Variants in NAV2 observed in about 807,000 individuals in gnomAD.
The protein encoded by NAV2 is neuron navigator 2.
A neutral mutation model predicts 223.2 loss-of-function variants in NAV2; 54 were observed. That is an observed-to-expected ratio of 0.24 (90% CI 0.19 to 0.30). The LOEUF (loss-of-function observed/expected upper bound fraction) is 0.30. Among genes scored for constraint, NAV2 ranks in the 10% least tolerant of loss-of-function variants. The probability of loss-of-function intolerance (pLI) is 1.00; values close to 1 mark genes in which losing one functional copy is unlikely to be tolerated. For synonymous variants in NAV2, 1,279 were observed against 1,239.3 expected (o/e 1.03, Z -0.67); for missense variants, 2,806 against 3,147.5 (o/e 0.89, Z 2.60).
intron 1 of NAV2, among the ~76,000 whole-genome samples, chr11:19,510,371 A>G (rs11602022): frequency 2.0e-4 from 30 of 152,240 alleles, no homozygotes; most frequent in Non-Finnish European, 3.7e-4. Context: ...CATGAGAGCC[A>G]GTTCTCCATA....
chr11:20,046,447 A>G (rs2153589874), intron 14 of NAV2, among the ~76,000 whole-genome samples: 1 of 152,026 alleles, frequency 6.6e-6, no homozygotes, highest in Admixed American at 6.5e-5. Context: ...TTCTTGTGTT[A>G]ATAATTCTTC....
chr11:19,474,565 G>A (rs2042060857), intron 1 of NAV2, among the ~76,000 whole-genome samples: 1 of 152,386 alleles, frequency 6.6e-6, no homozygotes, highest in African/African-American at 2.4e-5. Flanking sequence ...AGGAGAGCAT[G>A]TGAGGCTTTT....
At chr11:20,097,392 C>T (rs1291801536) in intron 30 of NAV2, among the ~76,000 whole-genome samples, 185 bp from the exon 31 acceptor site, 1 of 152,034 alleles carries the variant, frequency 6.6e-6, no homozygotes, top group Non-Finnish European at 1.5e-5. Flanking sequence ...TTTTAAGAGG[C>T]CTGTGGTACT....
chr11:19,707,938 G>A (rs995627189), upstream of NAV2, among the ~76,000 whole-genome samples: 1 of 152,166 alleles, frequency 6.6e-6, no homozygotes, highest in Non-Finnish European at 1.5e-5. Context: ...ATTATGCAGT[G>A]CGTGACTATA....
At chr11:19,891,600 G>T (rs1046684615) in intron 5 of NAV2, among the ~76,000 whole-genome samples, 16 of 152,176 alleles carry the variant, frequency 1.1e-4, no homozygotes, top group African/African-American at 3.9e-4. Flanking sequence ...GTGCAGATAA[G>T]TTGTACTTCA....
chr11:19,348,147 G>A (rs368349749), upstream of NAV2, among the ~76,000 whole-genome samples: 10 of 152,320 alleles, frequency 6.6e-5, no homozygotes, highest in East Asian at 9.7e-4. Context: ...CACTTGGGGC[G>A]TGTGCGCCGG....
chr11:20,023,523 C>A (rs1222079162), intron 11 of NAV2, among the ~76,000 whole-genome samples: 1 of 152,112 alleles, frequency 6.6e-6, no homozygotes, highest in Non-Finnish European at 1.5e-5. Flanking sequence ...TTATTCCGGA[C>A]TTTTCAGCTG....
intron 1 of NAV2, among the ~76,000 whole-genome samples, chr11:19,495,251 CA>C (rs1346577025): frequency 6.6e-6 from 1 of 152,176 alleles, no homozygotes; most frequent in African/African-American, 2.4e-5. Context: ...TTCAATTCAG[CA>C]AGCAAGCACC....
chr11:19,661,907 G>C lies in NAV2; in HGVS notation c.76-170577G>C, dbSNP rs566208699. On this transcript the variant is annotated intron_variant, in intron 1 of 37. Coordinates refer to the NAV2 transcript ENST00000360655. ...GTGGTAGAAGTCAAATTGGAACCCAGGGCTCTTGAATTTGAGGTGAGGAAT... is the reference window on the plus strand; with the variant it reads ...GTGGTAGAAGTCAAATTGGAACCCACGGCTCTTGAATTTGAGGTGAGGAAT... 7.2e-5 allele frequency among the ~76,000 whole-genome samples: 11 copies of C among 152,298 alleles called. No homozygotes were observed. In the South Asian group the frequency reaches 8.3e-4, roughly 11 times the overall value.
chr11:19,759,067 T>C (rs1267142017), intron 1 of NAV2, among the ~76,000 whole-genome samples: 1 of 150,582 alleles, frequency 6.6e-6, no homozygotes, highest in African/African-American at 2.4e-5. Flanking sequence ...AATGAAATCA[T>C]AGAACTTTGG....
intron 1 of NAV2, among the ~76,000 whole-genome samples, chr11:19,501,842 G>T (rs988724829): frequency 6.6e-6 from 1 of 152,050 alleles, no homozygotes; most frequent in Non-Finnish European, 1.5e-5. Flanking sequence ...GCAATATTGC[G>T]CTCTGGGAAA....
chr11:19,445,857 C>T (rs945005040), intron 1 of NAV2, among the ~76,000 whole-genome samples: 2 of 150,486 alleles, frequency 1.3e-5, no homozygotes, highest in African/African-American at 4.9e-5. Context: ...ATCATTTAAT[C>T]TTTCCAATAG....
chr11:19,739,547 G>C (rs554802488), intron 1 of NAV2, among the ~76,000 whole-genome samples: 138 of 152,182 alleles, frequency 9.1e-4, no homozygotes, highest in South Asian at 2.9e-3. Flanking sequence ...GTAGCTGATG[G>C]CCCTCAGACT....
At chr11:20,023,893 G>A (rs2054782419) in intron 11 of NAV2, among the ~76,000 whole-genome samples, 1 of 152,168 alleles carries the variant, frequency 6.6e-6, no homozygotes, top group African/African-American at 2.4e-5. Flanking sequence ...CACATGCCAA[G>A]CATCTAGCAG....
chr11:19,367,009 T>C (rs1263793266), intron 1 of NAV2, among the ~76,000 whole-genome samples: 1 of 152,188 alleles, frequency 6.6e-6, no homozygotes, highest in Non-Finnish European at 1.5e-5. Context: ...GGTATTTGGG[T>C]CATTAATCCA....
chr11:19,820,990 C>T (rs1056194135), intron 1 of NAV2, among the ~76,000 whole-genome samples: 13 of 152,324 alleles, frequency 8.5e-5, no homozygotes, highest in Admixed American at 2.0e-4. Context: ...GGGCCGGGCG[C>T]AGTGGCTCAC....
At position 19,839,011 on chromosome 11, in the gene NAV2, C is replaced by T. The variant is rs576154734; in HGVS notation, c.386-3860C>T. ...GCTTCCTAGATAGTGGGATTGTTTG[C>T]GACTTTTCTGCCATCATCTTCTATA... On this transcript the variant is annotated intron_variant, in intron 2 of 37. Coordinates refer to ENST00000349880, the MANE Select transcript of NAV2 (RefSeq NM_145117.5). Among the ~76,000 whole-genome samples the T allele has an allele frequency of 6.7e-4, 102 of 152,274 alleles. 1 individual carries two copies. The highest frequency in any genetic ancestry group is 2.3e-3 in the African/African-American group (96 of 41,548).
intron 1 of NAV2, among the ~76,000 whole-genome samples, chr11:19,570,020 G>C (rs1175223020): frequency 1.3e-5 from 2 of 152,182 alleles, no homozygotes; most frequent in Admixed American, 6.5e-5. Flanking sequence ...TAGCTATCAG[G>C]GGGAACATCT....
intron 1 of NAV2, among the ~76,000 whole-genome samples, chr11:19,360,984 G>A (rs1262401637): frequency 6.6e-6 from 1 of 152,112 alleles, no homozygotes; most frequent in Non-Finnish European, 1.5e-5. Context: ...TAATGATGAG[G>A]TGGAAAAAAC....
Sources: allele counts gnomAD v4.1 joint callset (sites outside exome capture counted in the v4.1 genomes callset), GRCh38; gene constraint gnomAD v4.1.1; transcripts MANE v1.5; gene names NCBI Gene and HGNC (gene_info 2026-07-23, HGNC 2026-07-21).